AKT3: variants seen among roughly 807,000 people sequenced by gnomAD.
The protein encoded by AKT3 is AKT serine/threonine kinase 3.
Under a neutral mutation model 65.3 loss-of-function variants are expected in AKT3, and 15 were observed. That is an observed-to-expected ratio of 0.23 (90% CI 0.15 to 0.35). AKT3 has a LOEUF of 0.35. Among genes scored for constraint, AKT3 ranks in the 10% least tolerant of loss-of-function variants. The pLI is 1.00. For synonymous variants in AKT3, 206 were observed against 183.8 expected, an observed-to-expected ratio of 1.12 and a Z score of -0.98; for missense variants, 243 against 576.5, an observed-to-expected ratio of 0.42 and a Z score of 5.92.
At chr1:243,834,771 GA>G (rs933456088) in intron 2 of AKT3, among the ~76,000 whole-genome samples, 101 of 151,272 alleles carry the variant, frequency 6.7e-4, no homozygotes, top group African/African-American at 1.8e-3. Flanking sequence ...TTCTTCAGGT[GA>G]AAAAAAATAT....
At chr1:243,647,816 T>C (rs532513362) in intron 4 of AKT3, among the ~76,000 whole-genome samples, 2 of 152,360 alleles carry the variant, frequency 1.3e-5, no homozygotes, top group East Asian at 3.9e-4. Flanking sequence ...GCATACATGC[T>C]TTGTTTCACA....
chr1:243,798,681 A>G (rs1478089655), intron 2 of AKT3, among the ~76,000 whole-genome samples: 1 of 152,068 alleles, frequency 6.6e-6, no homozygotes, highest in Non-Finnish European at 1.5e-5. Flanking sequence ...CCCCATTCTA[A>G]AAAATATTCA....
intron 2 of AKT3, among the ~76,000 whole-genome samples, chr1:243,831,238 T>C (rs958742781): frequency 2.9e-4 from 44 of 152,174 alleles, no homozygotes; most frequent in African/African-American, 1.0e-3. Flanking sequence ...GTACAAAATA[T>C]AAAGTTGTAT....
In AKT3 at chr1:243,619,737, A is replaced by T. The variant is rs1678597997; in HGVS notation, c.562-4576T>A. 2.0e-5 allele frequency among the ~76,000 whole-genome samples: 2 copies of T among 98,820 alleles called. 1 individual carries two copies. The highest frequency in any genetic ancestry group is 5.9e-4 in the South Asian group (2 of 3,400). The allele number at this position is 98,820 out of a possible 152,430, so 64.8% of individuals were successfully genotyped here. On this transcript the variant is annotated intron_variant, in intron 6 of 13. Transcript: ENST00000673466. ...GTACATATATCGCATTTATCCTTTCATTCATTGATGGGCACTTAGGTTGAT... is the reference window on the plus strand; with the variant it reads ...GTACATATATCGCATTTATCCTTTCTTTCATTGATGGGCACTTAGGTTGAT...
At chr1:243,695,825 TTTAG>T (rs1211647036) in intron 2 of AKT3, 109 bp from the exon 3 acceptor site, 150 of 924,954 alleles carry the variant, frequency 1.6e-4, no homozygotes, top group Admixed American at 1.7e-4. Context: ...CCTCCAAAAA[TTTAG>T]TTACTCAATT....
intron 5 of AKT3, among the ~76,000 whole-genome samples, chr1:243,642,527 T>C (rs957079290): frequency 3.9e-5 from 6 of 152,300 alleles, no homozygotes; most frequent in South Asian, 2.1e-4. Flanking sequence ...GCCAGGATGG[T>C]CTCGATCTCC....
intron 3 of AKT3, among the ~76,000 whole-genome samples, chr1:243,674,379 A>G (rs1278227604): frequency 6.6e-6 from 1 of 151,936 alleles, no homozygotes; most frequent in East Asian, 1.9e-4. Context: ...GAGCTGGTCA[A>G]CCAAATACTA....
chr1:243,799,966 A>G (rs2148363108), intron 2 of AKT3, among the ~76,000 whole-genome samples: 1 of 152,226 alleles, frequency 6.6e-6, no homozygotes, highest in African/African-American at 2.4e-5. Flanking sequence ...AAGTAACTGA[A>G]TTCTGTCTAT....
intron 8 of AKT3, among the ~76,000 whole-genome samples, chr1:243,604,458 C>T (rs1677243855): frequency 6.6e-6 from 1 of 152,168 alleles, no homozygotes; most frequent in Admixed American, 6.5e-5. Flanking sequence ...TATGCATTAT[C>T]CACACTGTGC....
intron 4 of AKT3, among the ~76,000 whole-genome samples, chr1:243,654,839 A>AT (rs1681640321): frequency 6.6e-6 from 1 of 151,778 alleles, no homozygotes; most frequent in African/African-American, 2.4e-5. Context: ...GAAAGCAAAC[A>AT]TTTTTTTCTC....
downstream of AKT3, among the ~76,000 whole-genome samples, chr1:243,497,017 T>C (rs555165688): frequency 1.9e-4 from 29 of 151,896 alleles, no homozygotes; most frequent in African/African-American, 6.8e-4. Context: ...TGATGACAAA[T>C]GGAAGGGCAG....
intron 2 of AKT3, among the ~76,000 whole-genome samples, chr1:243,750,583 CTTTT>C (rs1366859334): frequency 7.1e-6 from 1 of 140,478 alleles, no homozygotes; most frequent in African/African-American, 2.6e-5. Context: ...TAAGGCTAAT[CTTTT>C]TTTTTTTTTT....
At chr1:243,509,718 G>A (rs1179254385) in intron 13 of AKT3, among the ~76,000 whole-genome samples, 2 of 152,042 alleles carry the variant, frequency 1.3e-5, no homozygotes, top group African/African-American at 4.8e-5. Context: ...CTATGGACTA[G>A]CCAATCTGGT....
intron 2 of AKT3, among the ~76,000 whole-genome samples, chr1:243,752,231 A>T (rs1688852738): frequency 6.6e-6 from 1 of 152,240 alleles, no homozygotes; most frequent in African/African-American, 2.4e-5. Context: ...AAAATCAGGC[A>T]TATATGCATC....
At chr1:243,694,426 T>C (rs1684925300) in intron 3 of AKT3, among the ~76,000 whole-genome samples, 1 of 152,112 alleles carries the variant, frequency 6.6e-6, no homozygotes. Context: ...ATGAGCATTT[T>C]GGTGGGAAAA....
In AKT3 at chr1:243,627,608, T is replaced by C. The variant is rs559924861; in HGVS notation, c.561+10003A>G. On this transcript the variant is annotated intron_variant, in intron 6 of 13. Coordinates refer to ENST00000673466, the MANE Select transcript of AKT3 (RefSeq NM_005465.7). ...AACCTAAGAACAAGCTAGGGCTAACTTGAAAATAGTGGTGGCTCACAGGAA... is the reference window on the plus strand; with the variant it reads ...AACCTAAGAACAAGCTAGGGCTAACCTGAAAATAGTGGTGGCTCACAGGAA... Among the ~76,000 whole-genome samples, 26 of 152,248 alleles carry C rather than the reference T, an allele frequency of 1.7e-4. No individual in the cohort carries two copies. In the South Asian group the frequency reaches 3.1e-3, roughly 18 times the overall value.
At chr1:243,583,087 C>CAT (rs138406754) in intron 8 of AKT3, among the ~76,000 whole-genome samples, 7 of 143,866 alleles carry the variant, frequency 4.9e-5, no homozygotes, top group African/African-American at 1.8e-4. Context: ...ATATATCTTC[C>CAT]ATATATATAT....
chr1:243,663,464 G>A (rs1209295978), intron 4 of AKT3, among the ~76,000 whole-genome samples: 3 of 150,774 alleles, frequency 2.0e-5, no homozygotes, highest in African/African-American at 7.3e-5. Context: ...GAGGGAGGCA[G>A]TGCAGGGAGG....
chr1:243,728,773 T>C (rs901417061), intron 2 of AKT3, among the ~76,000 whole-genome samples: 3 of 152,338 alleles, frequency 2.0e-5, no homozygotes, highest in East Asian at 1.9e-4. Flanking sequence ...TTGCAGTCTA[T>C]GGACTCTAAG....
Sources: allele counts gnomAD v4.1 joint callset (sites outside exome capture counted in the v4.1 genomes callset), GRCh38; gene constraint gnomAD v4.1.1; transcripts MANE v1.5; gene names NCBI Gene and HGNC (gene_info 2026-07-23, HGNC 2026-07-21).